Variants in CHD6 observed in about 807,000 individuals in gnomAD.
CHD6 encodes ATP-dependent chromatin remodeler CHD6.
CHD6 carries 50 observed loss-of-function variants against 276.9 expected under a neutral mutation model. The ratio of observed to expected loss-of-function variants is 0.18; its 90% CI spans 0.14 to 0.23. The LOEUF is 0.23. CHD6 is among the 10% of genes least tolerant of loss of function. The probability of loss-of-function intolerance (pLI) is 1.00; values close to 1 mark genes in which losing one functional copy is unlikely to be tolerated. For missense variants in CHD6, 2,564 were observed against 3,365.8 expected (o/e 0.76, Z 5.89); for synonymous variants, 1,173 against 1,229.3 (o/e 0.95, Z 0.96).
rs1053953299 is a variant in CHD6, at chr20:41,435,546, G to A, written c.4068+1728C>T. 3.3e-5 allele frequency among the ~76,000 whole-genome samples: 5 copies of A among 149,924 alleles called. No individual in the cohort carries two copies. The East Asian group carries it at 9.9e-4, about 30-fold the overall frequency. On this transcript the variant is annotated intron_variant, in intron 27 of 36. Transcript: ENST00000373233. ...TTGAGCCTGGGAGGTTGAGGCTTTA[G>A]TGAGCTATGATTGCATCACCACACT...
chr20:41,474,427 C>A (rs1237662151), intron 16 of CHD6, among the ~76,000 whole-genome samples: 1 of 152,162 alleles, frequency 6.6e-6, no homozygotes, highest in Non-Finnish European at 1.5e-5. Flanking sequence ...TGGACAGCTG[C>A]TGGGCGTCTT....
At chr20:41,464,980 C>G (rs2145737194) in intron 17 of CHD6, among the ~76,000 whole-genome samples, 1 of 152,196 alleles carries the variant, frequency 6.6e-6, no homozygotes, top group Non-Finnish European at 1.5e-5. Flanking sequence ...TAAAATAAAA[C>G]AAAATCCACA....
chr20:41,612,959 A>G (rs2045902348), intron 1 of CHD6, among the ~76,000 whole-genome samples: 2 of 152,118 alleles, frequency 1.3e-5, no homozygotes, highest in Admixed American at 1.3e-4. Context: ...TCCTAGAGTT[A>G]CTCTCAGAAT....
chr20:41,447,424 C>A (rs1309033186), intron 24 of CHD6, among the ~76,000 whole-genome samples: 1 of 152,186 alleles, frequency 6.6e-6, no homozygotes, highest in Non-Finnish European at 1.5e-5. Context: ...GCTTTCCAAA[C>A]ACTAATTTGC....
chr20:41,610,821 A>C (rs2146306208), intron 1 of CHD6, among the ~76,000 whole-genome samples: 1 of 152,246 alleles, frequency 6.6e-6, no homozygotes, highest in Middle Eastern at 3.4e-3. Context: ...GATAAACCTG[A>C]AATACTTTGT....
At chr20:41,593,197 C>T (rs1260186853) in intron 1 of CHD6, among the ~76,000 whole-genome samples, 1 of 73,174 alleles carries the variant, frequency 1.4e-5, no homozygotes, top group East Asian at 9.4e-4. Context: ...TCAGCCCAAT[C>T]AAAAAGGGGG....
chr20:41,598,100 G>GC (rs1215886150), intron 1 of CHD6, among the ~76,000 whole-genome samples: 9 of 152,054 alleles, frequency 5.9e-5, no homozygotes, highest in East Asian at 1.9e-4. Context: ...ACTAAAGGAA[G>GC]CCCCCCCACC....
At chr20:41,481,666 T>C (rs1195182679) in intron 16 of CHD6, among the ~76,000 whole-genome samples, 2 of 152,092 alleles carry the variant, frequency 1.3e-5, no homozygotes, top group Non-Finnish European at 2.9e-5. Flanking sequence ...TCAAATGTTT[T>C]TAAAAATGTG....
At chr20:41,569,923 C>T (rs73613212) in intron 1 of CHD6, among the ~76,000 whole-genome samples, 3,358 of 152,120 alleles carry the variant, frequency 0.022, 46 homozygotes, top group South Asian at 0.039. Flanking sequence ...GGAACCAATC[C>T]CCCATGGACA....
chr20:41,561,814 T>A (rs2045304597), intron 1 of CHD6, among the ~76,000 whole-genome samples: 1 of 152,208 alleles, frequency 6.6e-6, no homozygotes, highest in Non-Finnish European at 1.5e-5. Context: ...TTTTGAAGAA[T>A]CTGAACAATT....
At chr20:41,482,727 C>T (rs1034196370) in intron 16 of CHD6, among the ~76,000 whole-genome samples, 1 of 152,120 alleles carries the variant, frequency 6.6e-6, no homozygotes, top group Non-Finnish European at 1.5e-5. Flanking sequence ...CCAAATAACC[C>T]ACACAGCACC....
intron 27 of CHD6, among the ~76,000 whole-genome samples, chr20:41,430,861 T>TA (rs1382380820): frequency 6.7e-6 from 1 of 149,672 alleles, no homozygotes; most frequent in Admixed American, 6.7e-5. Context: ...TGAATTTTTT[T>TA]TTTTTTTTTT....
In CHD6 at chr20:41,522,705, A is replaced by G. The variant is rs565930072; in HGVS notation, c.555-7753T>C. Among the ~76,000 whole-genome samples, 4 of 152,050 alleles carry G rather than the reference A, an allele frequency of 2.6e-5. No homozygotes were observed. The East Asian group carries it at 5.8e-4, about 22-fold the overall frequency. ...ATATTTATTGAAATAAGTTTATAATATAAGTATATATACATATATACACTT... is the reference window on the plus strand; with the variant it reads ...ATATTTATTGAAATAAGTTTATAATGTAAGTATATATACATATATACACTT... On this transcript the variant is annotated intron_variant, in intron 3 of 36. Coordinates refer to ENST00000373233, the MANE Select transcript of CHD6 (RefSeq NM_032221.5).
At chr20:41,435,214 A>G (rs2047668493) in intron 27 of CHD6, among the ~76,000 whole-genome samples, 1 of 152,214 alleles carries the variant, frequency 6.6e-6, no homozygotes, top group African/African-American at 2.4e-5. Flanking sequence ...TAACTAAAGC[A>G]ATGCCGAGGG....
chr20:41,532,846 A>G (rs2044721978), intron 3 of CHD6, among the ~76,000 whole-genome samples: 1 of 152,254 alleles, frequency 6.6e-6, no homozygotes. Flanking sequence ...TAGAAATGCA[A>G]TGAGAAAACA....
intron 1 of CHD6, among the ~76,000 whole-genome samples, chr20:41,562,192 T>G (rs180963799): frequency 1.3e-5 from 2 of 152,178 alleles, no homozygotes; most frequent in Non-Finnish European, 2.9e-5. Context: ...TCTTTATAGC[T>G]AATATGTTTT....
At chr20:41,405,544 G>C in intron 36 of CHD6, 55 bp from the exon 37 acceptor site, 1 of 1,387,286 alleles carries the variant, frequency 7.2e-7, no homozygotes, top group East Asian at 2.3e-5. Flanking sequence ...CAGGTGGTCA[G>C]CTGAGGGTGA....
chr20:41,565,936 G>A (rs1395846529), intron 1 of CHD6, among the ~76,000 whole-genome samples: 1 of 152,144 alleles, frequency 6.6e-6, no homozygotes, highest in African/African-American at 2.4e-5. Context: ...TTCTAGCCTG[G>A]GAGACTGGGA....
chr20:41,553,327 TA>T (rs1237342502), intron 1 of CHD6, among the ~76,000 whole-genome samples: 1 of 152,228 alleles, frequency 6.6e-6, no homozygotes, highest in East Asian at 1.9e-4. Flanking sequence ...TAGTTTCTTT[TA>T]AAGACTACCT....
Sources: gnomAD v4.1 joint callset for allele counts (sites outside exome capture counted in the v4.1 genomes callset) on GRCh38, gnomAD v4.1.1 for gene constraint, MANE v1.5 for transcripts, NCBI Gene and HGNC (gene_info 2026-07-23, HGNC 2026-07-21) for gene names.